Variants in ZMAT5 observed in about 807,000 individuals in gnomAD.
ZMAT5 encodes zinc finger matrin-type 5.
ZMAT5 carries 23 observed loss-of-function variants against 28.0 expected under a neutral mutation model. The observed-to-expected ratio is 0.82, with a 90% CI of 0.59 to 1.16. ZMAT5 has a LOEUF of 1.16. ZMAT5 is among the 50% of genes most tolerant of loss of function. The pLI is 0.00. For missense variants in ZMAT5, 173 were observed against 212.7 expected (o/e 0.81, Z 1.16); for synonymous variants, 76 against 84.1 (o/e 0.90, Z 0.52).
chr22:29,734,940 G>C (rs1419568436), intron 5 of ZMAT5, among the ~76,000 whole-genome samples: 2 of 152,194 alleles, frequency 1.3e-5, no homozygotes, highest in Non-Finnish European at 2.9e-5. Flanking sequence ...GATCCCCCGC[G>C]GGAGCAGAGG....
chr22:29,763,338 T>C (rs2068176998), intron 1 of ZMAT5, among the ~76,000 whole-genome samples: 1 of 113,202 alleles, frequency 8.8e-6, no homozygotes, highest in African/African-American at 2.9e-5. Context: ...GTGCGGTGGC[T>C]CACACCTGTA....
chr22:29,747,979 A>C, intron 2 of ZMAT5: 8 of 229,256 alleles, frequency 3.5e-5, no homozygotes, highest in Non-Finnish European at 6.2e-5. Context: ...CCCCCTGCTT[A>C]TGATGGCCTC....
At chr22:29,741,850 C>T (rs1239223442) in intron 3 of ZMAT5, among the ~76,000 whole-genome samples, 1 of 152,216 alleles carries the variant, frequency 6.6e-6, no homozygotes, top group Non-Finnish European at 1.5e-5. Flanking sequence ...GATGGGGTCT[C>T]GCTATGTTGC....
intron 1 of ZMAT5, among the ~76,000 whole-genome samples, chr22:29,755,690 G>A (rs2068095473): frequency 6.6e-6 from 1 of 152,136 alleles, no homozygotes; most frequent in South Asian, 2.1e-4. Context: ...TGGCCAGAAA[G>A]ACTCTAATAA....
chr22:29,759,027 T>C (rs1054751295), intron 1 of ZMAT5, among the ~76,000 whole-genome samples: 4 of 152,146 alleles, frequency 2.6e-5, no homozygotes, highest in African/African-American at 9.7e-5. Flanking sequence ...ACCCCCTGGA[T>C]GAAGACTGAC....
intron 1 of ZMAT5, among the ~76,000 whole-genome samples, chr22:29,751,773 C>T (rs1347128322): frequency 6.6e-6 from 1 of 152,134 alleles, no homozygotes; most frequent in East Asian, 1.9e-4. Flanking sequence ...TCAAGACCAG[C>T]CTGGGCAATA....
chr22:29,757,750 G>T (rs533754643), intron 1 of ZMAT5, among the ~76,000 whole-genome samples: 16 of 152,288 alleles, frequency 1.1e-4, no homozygotes, highest in African/African-American at 3.6e-4. Context: ...GGGCATGGTG[G>T]CTCACACCTG....
At chr22:29,762,416 C>T (rs1439095432) in intron 1 of ZMAT5, among the ~76,000 whole-genome samples, 1 of 152,240 alleles carries the variant, frequency 6.6e-6, no homozygotes, top group Non-Finnish European at 1.5e-5. Flanking sequence ...AGGTGAGTGG[C>T]AGGTGAGTAA....
At chr22:29,757,242 G>T (rs200697196) in intron 1 of ZMAT5, among the ~76,000 whole-genome samples, 2 of 111,670 alleles carry the variant, frequency 1.8e-5, no homozygotes. Flanking sequence ...GGACTTCACA[G>T]AAAAAAAAAA....
intron 1 of ZMAT5, among the ~76,000 whole-genome samples, chr22:29,762,503 C>A (rs1404023365): frequency 1.3e-5 from 2 of 152,148 alleles, no homozygotes; most frequent in African/African-American, 4.8e-5. Context: ...GTCAGATCAT[C>A]GGCAGCATTA....
At chr22:29,764,442 G>GA (rs2068188005) in intron 1 of ZMAT5, among the ~76,000 whole-genome samples, 1 of 152,202 alleles carries the variant, frequency 6.6e-6, no homozygotes, top group Admixed American at 6.5e-5. Context: ...TGAATTAAAA[G>GA]AGAGTTAAAG....
chr22:29,759,835 G>A (rs1210502902), intron 1 of ZMAT5, among the ~76,000 whole-genome samples: 2 of 151,956 alleles, frequency 1.3e-5, no homozygotes, highest in East Asian at 1.9e-4. Context: ...GGGAGGCTAG[G>A]CGGGCAGATT....
At chr22:29,742,919 C>G (rs140122) in intron 2 of ZMAT5, among the ~76,000 whole-genome samples, 80,530 of 151,810 alleles carry the variant, frequency 0.53, 21,718 homozygotes, top group East Asian at 0.62. Flanking sequence ...AGCCTCCCAA[C>G]TAGGTGTGAC....
chr22:29,756,152 C>T (rs1364587102), intron 1 of ZMAT5, among the ~76,000 whole-genome samples: 1 of 152,198 alleles, frequency 6.6e-6, no homozygotes, highest in Non-Finnish European at 1.5e-5. Flanking sequence ...CTGAAGCTCA[C>T]CTGTTATTTT....
At chr22:29,732,632 T>C (rs1236253673) in intron 5 of ZMAT5, among the ~76,000 whole-genome samples, 4 of 149,814 alleles carry the variant, frequency 2.7e-5, no homozygotes, top group Non-Finnish European at 5.9e-5. Context: ...CCCAGCTACT[T>C]GGGAGGCTGA....
chr22:29,742,531 G>A, intron 2 of ZMAT5, 51 bp from the exon 3 acceptor site: 1 of 1,590,286 alleles, frequency 6.3e-7, no homozygotes, highest in Non-Finnish European at 8.6e-7. Context: ...TCCACCAAAG[G>A]AGGCAGGAAG....
chr22:29,740,932 A>G (rs2067956387), intron 3 of ZMAT5, among the ~76,000 whole-genome samples: 1 of 152,164 alleles, frequency 6.6e-6, no homozygotes, highest in Admixed American at 6.5e-5. Flanking sequence ...ATCATGCCAC[A>G]TGCTCACGAC....
intron 2 of ZMAT5, among the ~76,000 whole-genome samples, chr22:29,745,657 C>T (rs931073233): frequency 6.6e-6 from 1 of 152,214 alleles, no homozygotes; most frequent in Admixed American, 6.5e-5. Flanking sequence ...ACTGTTGTAG[C>T]TGTTTTATAC....
Position 29,742,416 on chromosome 22 carries a change from AC to A in ZMAT5, c.190+1del. ...GGACCTGAGCTGTGCAGAGGACTTT[AC>A]CTGTCAGTAGAAACTTCCTGCAGGG... On this transcript the variant is annotated splice_donor_variant, in intron 3 of 5. Transcript: ENST00000344318. LOFTEE classifies it high-confidence loss of function. The A allele has an allele frequency of 6.2e-7, 1 of 1,613,156 alleles. No homozygotes were observed. Among genetic ancestry groups the A allele is most frequent in the Non-Finnish European group, 8.5e-7 (1 of 1,179,798 alleles).
Sources: allele counts gnomAD v4.1 joint callset (sites outside exome capture counted in the v4.1 genomes callset), GRCh38; gene constraint gnomAD v4.1.1; transcripts MANE v1.5; gene names NCBI Gene and HGNC (gene_info 2026-07-23, HGNC 2026-07-21).